Variants in ASL observed in about 807,000 individuals in gnomAD.
The protein encoded by ASL is argininosuccinate lyase.
In ASL, 51 loss-of-function variants were observed where a neutral mutation model predicts 69.1. That is an observed-to-expected ratio of 0.74 (90% CI 0.59 to 0.93). ASL has a LOEUF of 0.93. Among genes scored for constraint, ASL ranks in the 40% least tolerant of loss-of-function variants. ASL has a pLI of 0.00. For missense variants in ASL, 540 were observed against 623.9 expected (o/e 0.87, Z 1.43); for synonymous variants, 241 against 247.6 (o/e 0.97, Z 0.25).
intron 15 of ASL, among the ~76,000 whole-genome samples, 189 bp downstream of exon 15, chr7:66,092,275 A>G (rs1786869375): frequency 6.6e-6 from 1 of 151,956 alleles, no homozygotes; most frequent in South Asian, 2.1e-4. Flanking sequence ...AACATGGTGA[A>G]ACCCCGTCTC....
rs766120842 is a variant in ASL at position 66,092,823 on chromosome 7, C to G, written c.1306C>G (p.Gln436Glu). Residue 436 changes from glutamine (Q) to glutamate (E), a missense_variant, in exon 17 of 17, where the codon CAG becomes GAG. Transcript: ENST00000304874. ...GTGGGACTACGGGCACAGTGTGGAGCAGTATGGTGCCCTGGGCGGCACTGC... is the reference window on the plus strand; with the variant it reads ...GTGGGACTACGGGCACAGTGTGGAGGAGTATGGTGCCCTGGGCGGCACTGC... ...CVWDYGHSVE[Q>E]YGALGGTARS... 3 of 1,613,708 alleles carry G rather than the reference C, an allele frequency of 1.9e-6. No individual in the cohort carries two copies. The highest frequency in any genetic ancestry group is 2.5e-6 in the Non-Finnish European group (3 of 1,180,004).
At chr7:66,091,778 A>G (rs773488384) in intron 14 of ASL, 1 of 578,492 alleles carries the variant, frequency 1.7e-6, no homozygotes, top group Non-Finnish European at 3.1e-6. Context: ...GGACTCTTTG[A>G]AAACATAAAG....
rs755546894 is a variant in ASL at position 66,087,393 on chromosome 7, C to T, written c.655+7C>T. On this transcript the variant is annotated splice_region_variant and intron_variant, in intron 9 of 16. Transcript: ENST00000304874. ...CGAGAGCTGCTCCGAGCAGGTGAGA[C>T]GTCCTGCCCCTCCTCCCCAGGGAGA... 15 of 1,606,862 alleles carry T rather than the reference C, an allele frequency of 9.3e-6. No individual in the cohort carries two copies. Among genetic ancestry groups the T allele is most frequent in the Admixed American group, 3.3e-5 (2 of 59,970 alleles).
rs1017748312 is a variant in ASL, at chr7:66,076,240, C to A, written c.12+147C>A. ...TAGGAAGCCTGCACCCCCAGCCCTC[C>A]CGGGCGCATCATCTGGAGCCCAGCA... On this transcript the variant is annotated intron_variant, in intron 2 of 16. Transcript: ENST00000304874. The A allele has an allele frequency of 9.1e-5, 97 of 1,064,324 alleles. 1 individual carries two copies. The Admixed American group carries it at 2.1e-3, about 23-fold the overall frequency. 65.9% of individuals were successfully genotyped at this position (1,064,324 alleles called of 1,614,324 possible).
intron 14 of ASL, chr7:66,091,672 T>C (rs1171167010): frequency 5.6e-6 from 2 of 359,368 alleles, no homozygotes; most frequent in Non-Finnish European, 1.1e-5. Context: ...AGGGCTATAA[T>C]GGCCACTGCA....
Position 66,092,017 on chromosome 7 carries a change from G to A in ASL, c.1074G>A (p.Glu358=). The part of the protein sequence containing the change: ...GVISTLQIHQ[E]NMGQALSPDM... ...ACCTGTGCCCCCAGATTCACCAAGA[G>A]AACATGGGACAGGCTCTCAGCCCCG... Residue 358 remains glutamate, a synonymous_variant, in exon 15 of 17, where the codon GAG becomes GAA. Coordinates refer to ENST00000304874, the MANE Select transcript of ASL (RefSeq NM_000048.4). 6.2e-7 allele frequency: 1 copy of A among 1,613,590 alleles called. No individual in the cohort carries two copies. The highest frequency in any genetic ancestry group is 8.5e-7 in the Non-Finnish European group (1 of 1,180,018).
intron 2 of ASL, 68 bp from the exon 3 acceptor site, chr7:66,081,735 G>A: frequency 6.5e-7 from 1 of 1,544,500 alleles, no homozygotes; most frequent in Non-Finnish European, 8.8e-7. Flanking sequence ...GTTTCCCAAA[G>A]ACTCTTTGCA....
At chr7:66,083,543 A>G (rs999944833) in intron 6 of ASL, among the ~76,000 whole-genome samples, 2 of 151,790 alleles carry the variant, frequency 1.3e-5, no homozygotes, top group Non-Finnish European at 2.9e-5. Context: ...AAATTAGGCA[A>G]TGTGGTGGTG....
intron 4 of ASL, 83 bp downstream of exon 4, chr7:66,082,534 G>C (rs1335729633): frequency 4.1e-6 from 6 of 1,455,992 alleles, no homozygotes; most frequent in Non-Finnish European, 5.7e-6. Flanking sequence ...GCACCATTCT[G>C]TTTACTTCGC....
At chr7:66,089,004 C>T (rs1030108212) in intron 11 of ASL, 83 bp downstream of exon 11, 6 of 1,607,932 alleles carry the variant, frequency 3.7e-6, no homozygotes, top group East Asian at 2.2e-5. Context: ...CCTTCCTCCC[C>T]GTCCCACCCC....
At position 66,086,613 on chromosome 7, in the gene ASL, A is replaced by T. The variant is rs987616397; in HGVS notation, c.475A>T (p.Thr159Ser). Residue 159 changes from threonine (T) to serine (S), a missense_variant, in exon 7 of 17, where the codon ACC (threonine) becomes TCC (serine). Physicochemically the swap from Thr to Ser is moderately conservative, Grantham distance 58. Coordinates refer to ENST00000304874, the MANE Select transcript of ASL (RefSeq NM_000048.4). The stretch of plus-strand genomic sequence containing the variant: ...ACGTGATGTTCTCTTCCCGGGGTAC[A>T]CCCATTTGCAGAGGGCCCAGCCCAT... ...AERDVLFPGY[T>S]HLQRAQPIRW... The T allele has an allele frequency of 6.2e-7, 1 of 1,613,690 alleles. No individual in the cohort carries two copies. Among genetic ancestry groups the T allele is most frequent in the Non-Finnish European group, 8.5e-7 (1 of 1,180,000 alleles).
intron 2 of ASL, among the ~76,000 whole-genome samples, chr7:66,080,367 CAA>C (rs1786467208): frequency 1.3e-5 from 1 of 74,934 alleles, no homozygotes; most frequent in Admixed American, 2.1e-4. Flanking sequence ...GCCTGGGTGA[CAA>C]AGAGAGACTC....
In ASL at chr7:66,092,532, C is replaced by T. The variant is rs574636150; in HGVS notation, c.1144-25C>T. 9 of 1,594,066 alleles carry T rather than the reference C, an allele frequency of 5.6e-6. No homozygotes were observed. In the East Asian group the frequency reaches 1.3e-4, roughly 24 times the overall value. On this transcript the variant is annotated intron_variant, in intron 15 of 16. Transcript: ENST00000304874. ...CAGGGCATGGAGAAACCTGCCTCAG[C>T]GCCATCTTCCTCCCTGGCACCCAGA...
intron 4 of ASL, 112 bp from the exon 5 acceptor site, chr7:66,082,768 G>A (rs1431032798): frequency 3.1e-6 from 4 of 1,310,926 alleles, no homozygotes; most frequent in South Asian, 2.5e-5. Flanking sequence ...GGGAGGACCC[G>A]GAGCCCTGGG....
In ASL at chr7:66,086,758, T is replaced by G. The variant is rs1057141162; in HGVS notation, c.539T>G (p.Leu180Arg). 1 of 1,604,660 alleles carries G rather than the reference T, an allele frequency of 6.2e-7. No individual in the cohort carries two copies. ...SHWILSHAVA[L>R]TRDSERLLEV... ...GCTTCCCACAGCCACGCCGTGGCAC[T>G]GACCCGAGACTCTGAGCGGCTGCTG... Residue 180 changes from leucine to arginine, a missense_variant, in exon 8 of 17, where the codon CTG (leucine) becomes CGG (arginine). By Grantham distance (102) the Leu-to-Arg change is moderately radical. Transcript: ENST00000304874.
In ASL at chr7:66,093,473, G is replaced by C. The variant is rs1786911735; in HGVS notation, c.*561G>C. ...ACAGGGTATCACAGTGACCTCCTAGGCCAGGAGCGATGGCTCACGCCTGTA... is the reference window on the plus strand; with the variant it reads ...ACAGGGTATCACAGTGACCTCCTAGCCCAGGAGCGATGGCTCACGCCTGTA... On this transcript the variant is annotated 3_prime_UTR_variant, in exon 17 of 17. Coordinates refer to ENST00000304874, the MANE Select transcript of ASL (RefSeq NM_000048.4). 1 of 167,098 alleles carries C rather than the reference G, an allele frequency of 6.0e-6. No homozygotes were observed. The highest frequency in any genetic ancestry group is 1.3e-5 in the Non-Finnish European group (1 of 76,088). 10.4% of individuals were successfully genotyped at this position (167,098 alleles called of 1,614,324 possible).
rs555884175 is a variant in ASL at position 66,093,198 on chromosome 7, T to A, written c.*286T>A. ...CTGGCGTGGTGGCCCATGCATATAG[T>A]CCCAGCTACTTGTAAGGCTGAGGTG... is the stretch of plus-strand genomic sequence containing the variant. On this transcript the variant is annotated 3_prime_UTR_variant, in exon 17 of 17. Coordinates refer to ENST00000304874, the MANE Select transcript of ASL (RefSeq NM_000048.4). 105 of 510,336 alleles carry A rather than the reference T, an allele frequency of 2.1e-4. 1 individual carries two copies. Among genetic ancestry groups the A allele is most frequent in the East Asian group, 1.7e-3 (46 of 27,662 alleles). 31.6% of individuals were successfully genotyped at this position (510,336 alleles called of 1,614,324 possible).
Position 66,081,983 on chromosome 7 carries a change from C to G in ASL, c.193C>G (p.His65Asp), listed in dbSNP as rs762846699. 21 of 1,609,604 alleles carry G rather than the reference C, an allele frequency of 1.3e-5. No individual in the cohort carries two copies. The highest frequency in any genetic ancestry group is 1.8e-5 in the Non-Finnish European group (21 of 1,178,186). Residue 65 changes from histidine to aspartate, a missense_variant, in exon 3 of 17, where the codon CAT becomes GAT. His to Asp is a moderately conservative substitution (Grantham distance 81, BLOSUM62 -1). Transcript: ENST00000304874. ...CAAGGCCGAGATGGACCAGATACTC[C>G]ATGGCCTAGACAAGGTACTTGCCGT... ...LTKAEMDQIL[H>D]GLDKVAEEWA...
At chr7:66,089,023 A>C in intron 11 of ASL, 68 bp from the exon 12 acceptor site, 5 of 1,609,920 alleles carry the variant, frequency 3.1e-6, no homozygotes, top group Middle Eastern at 1.7e-4. Flanking sequence ...CCTCCGCCAG[A>C]CCTGGCCATT....
Sources: allele counts gnomAD v4.1 joint callset (sites outside exome capture counted in the v4.1 genomes callset), GRCh38; gene constraint gnomAD v4.1.1; transcripts MANE v1.5; gene names NCBI Gene and HGNC (gene_info 2026-07-23, HGNC 2026-07-21).